Variants in SH3BGR observed in about 807,000 individuals in gnomAD.
SH3BGR encodes SH3 domain-binding glutamic acid-rich protein.
In SH3BGR, 29 loss-of-function variants were observed where a neutral mutation model predicts 24.5. The ratio of observed to expected loss-of-function variants is 1.18; its 90% CI spans 0.88 to 1.61. The LOEUF is 1.61. SH3BGR is among the 40% of genes most tolerant of loss of function. SH3BGR has a pLI of 0.00. For missense variants in SH3BGR, 162 were observed against 205.8 expected (o/e 0.79, Z 1.30); for synonymous variants, 55 against 65.7 (o/e 0.84, Z 0.79).
intron 4 of SH3BGR, among the ~76,000 whole-genome samples, chr21:39,506,644 GACTT>G (rs1303850361): frequency 1.4e-4 from 21 of 152,316 alleles, no homozygotes; most frequent in African/African-American, 4.8e-4. Context: ...GATCTTGTGA[GACTT>G]ACTACCACAA....
At chr21:39,499,761 C>G in intron 3 of SH3BGR, 62 bp from the exon 4 acceptor site, 1 of 1,223,532 alleles carries the variant, frequency 8.2e-7, no homozygotes, top group Non-Finnish European at 1.2e-6. Flanking sequence ...GCATATGTGG[C>G]CTGTTTTTTT....
chr21:39,494,834 A>G (rs1176734343), intron 3 of SH3BGR, among the ~76,000 whole-genome samples: 3 of 151,984 alleles, frequency 2.0e-5, no homozygotes, highest in African/African-American at 7.2e-5. Flanking sequence ...CTCTAATTAC[A>G]TATATGTTAA....
At chr21:39,489,574 T>G (rs556675576) in intron 3 of SH3BGR, among the ~76,000 whole-genome samples, 21 of 152,100 alleles carry the variant, frequency 1.4e-4, no homozygotes, top group Non-Finnish European at 2.4e-4. Context: ...CTGAGTTGGG[T>G]GGGGAGGCAC....
At chr21:39,475,367 A>G (rs956801627) in intron 3 of SH3BGR, 152 bp downstream of exon 3, 42 of 476,878 alleles carry the variant, frequency 8.8e-5, no homozygotes, top group Non-Finnish European at 3.0e-5. Context: ...ATGCATAGAG[A>G]GAATGCAGTT....
At position 39,511,620 on chromosome 21, in the gene SH3BGR, T is replaced by C. The variant is rs2078696898; in HGVS notation, c.436-60T>C. On this transcript the variant is annotated intron_variant, in intron 5 of 6. Transcript: ENST00000333634. This position sits in a 1 kb window ranked among gnomAD's most constrained non-coding sequence, Gnocchi z 4.2. ...CTAGTCCAGCATTTTACAGTCTTTT[T>C]CTCACTGTATCCTTGGCCCTTATGC... 1 of 1,559,846 alleles carries C rather than the reference T, an allele frequency of 6.4e-7. No individual in the cohort carries two copies. Among genetic ancestry groups the C allele is most frequent in the Non-Finnish European group, 8.7e-7 (1 of 1,149,646 alleles).
intron 3 of SH3BGR, among the ~76,000 whole-genome samples, chr21:39,477,200 G>A (rs1284685600): frequency 6.6e-6 from 1 of 151,828 alleles, no homozygotes; most frequent in Non-Finnish European, 1.5e-5. Flanking sequence ...TTATTATTGT[G>A]TCATAAACAT....
upstream of SH3BGR, among the ~76,000 whole-genome samples, chr21:39,450,395 C>G (rs115026914): frequency 1.3e-5 from 2 of 152,116 alleles, no homozygotes; most frequent in Admixed American, 6.5e-5. Context: ...GGCATTTAAG[C>G]GATATTCCAG....
intron 2 of SH3BGR, 150 bp from the exon 3 acceptor site, chr21:39,474,985 G>A: frequency 1.7e-6 from 1 of 577,288 alleles, no homozygotes; most frequent in Non-Finnish European, 3.1e-6. Flanking sequence ...CTTAACTCTG[G>A]AGGTTAGTCA....
chr21:39,489,182 A>G (rs1268368036), intron 3 of SH3BGR, among the ~76,000 whole-genome samples: 1 of 152,200 alleles, frequency 6.6e-6, no homozygotes, highest in Non-Finnish European at 1.5e-5. Context: ...AAAAGACCAG[A>G]TGGAAGAGGG....
chr21:39,491,610 G>A lies in SH3BGR; in HGVS notation c.313-8213G>A, dbSNP rs184127396. On this transcript the variant is annotated intron_variant, in intron 3 of 6. Transcript: ENST00000333634. ...GTCTAAGTAGGGGTGGAGGTGTTCGGTCCTTGCAAGCTTCACGAGATTGAT... is the reference window on the plus strand; with the variant it reads ...GTCTAAGTAGGGGTGGAGGTGTTCGATCCTTGCAAGCTTCACGAGATTGAT... 262 of 233,740 alleles carry A rather than the reference G, an allele frequency of 1.1e-3. 2 individuals carry two copies. Among genetic ancestry groups the A allele is most frequent in the African/African-American group, 5.6e-3 (244 of 43,660 alleles). The allele number at this position is 233,740 out of a possible 1,614,324, so 14.5% of individuals were successfully genotyped here.
At chr21:39,502,440 G>T (rs191799487) in intron 4 of SH3BGR, among the ~76,000 whole-genome samples, 1 of 152,178 alleles carries the variant, frequency 6.6e-6, no homozygotes, top group Non-Finnish European at 1.5e-5. Context: ...GGCTTGCTGT[G>T]GTTAAAACAG....
In SH3BGR at chr21:39,481,740, C is replaced by A. The variant is rs983872180; in HGVS notation, c.312+6525C>A. ...TTAAACTAGAATCTATAATTCATAC[C>A]TGGTTGTTGAGAGTAAACTTTTTGT... On this transcript the variant is annotated intron_variant, in intron 3 of 6. Transcript: ENST00000333634. 3.3e-5 allele frequency among the ~76,000 whole-genome samples: 5 copies of A among 151,894 alleles called. No homozygotes were observed. The South Asian group carries it at 6.2e-4, about 19-fold the overall frequency.
chr21:39,509,769 T>G (rs922861685), intron 5 of SH3BGR, among the ~76,000 whole-genome samples: 1 of 151,192 alleles, frequency 6.6e-6, no homozygotes, highest in Non-Finnish European at 1.5e-5. Flanking sequence ...GCCACTGCAC[T>G]GGGCCTGGAT....
intron 3 of SH3BGR, among the ~76,000 whole-genome samples, chr21:39,482,267 A>G (rs2078142311): frequency 6.6e-6 from 1 of 152,270 alleles, no homozygotes; most frequent in Admixed American, 6.5e-5. Context: ...TAACTGACCC[A>G]GATTCTTAAA....
intron 2 of SH3BGR, 58 bp downstream of exon 2, chr21:39,462,618 A>G (rs2077773822): frequency 7.9e-7 from 1 of 1,271,654 alleles, no homozygotes; most frequent in South Asian, 1.8e-5. Flanking sequence ...GAAATTTTCT[A>G]AAGCAGATTA....
chr21:39,493,096 T>G (rs575782483), intron 3 of SH3BGR, among the ~76,000 whole-genome samples: 1 of 152,374 alleles, frequency 6.6e-6, no homozygotes, highest in Admixed American at 6.5e-5. Context: ...CTGTTCCTTT[T>G]GCCGTGCAAA....
intron 4 of SH3BGR, among the ~76,000 whole-genome samples, chr21:39,502,985 C>CTTT (rs146995231): frequency 6.8e-6 from 1 of 146,372 alleles, no homozygotes; most frequent in Non-Finnish European, 1.5e-5. Flanking sequence ...ATTCCAAGCT[C>CTTT]TTTTTTTTTT....
At chr21:39,448,798 C>T (rs2077540258), upstream of SH3BGR, among the ~76,000 whole-genome samples, 1 of 152,200 alleles carries the variant, frequency 6.6e-6, no homozygotes. Context: ...TTCGAAAAAG[C>T]ATAGCCAACA....
chr21:39,499,494 A>G (rs1178478729), intron 3 of SH3BGR, among the ~76,000 whole-genome samples: 1 of 152,158 alleles, frequency 6.6e-6, no homozygotes, highest in Non-Finnish European at 1.5e-5. Flanking sequence ...TAAAATTATA[A>G]GCCTCCCTCC....
Sources: gnomAD v4.1 joint callset for allele counts (sites outside exome capture counted in the v4.1 genomes callset) on GRCh38, gnomAD v4.1.1 for gene constraint, Gnocchi (gnomAD v3.1) non-coding constraint, MANE v1.5 for transcripts, NCBI Gene and HGNC (gene_info 2026-07-23, HGNC 2026-07-21) for gene names.